ATXN10: variants seen among roughly 807,000 people sequenced by gnomAD.
ATXN10 encodes ataxin-10.
In ATXN10, 28 loss-of-function variants were observed where a neutral mutation model predicts 52.9. That is an observed-to-expected ratio of 0.53 (90% CI 0.39 to 0.73). The LOEUF is 0.73. Ranked by LOEUF, ATXN10 falls within the 30% of genes least tolerant of loss-of-function variation. The pLI is 0.00. For synonymous variants in ATXN10, 226 were observed against 221.5 expected (o/e 1.02, Z -0.18); for missense variants, 565 against 577.0 (o/e 0.98, Z 0.21).
chr22:45,779,697 A>G (rs1305529246), intron 9 of ATXN10, among the ~76,000 whole-genome samples: 2 of 152,364 alleles, frequency 1.3e-5, no homozygotes, highest in Admixed American at 6.5e-5. Context: ...ATGCTGTGAA[A>G]GGACCAATTC....
intron 3 of ATXN10, among the ~76,000 whole-genome samples, chr22:45,695,836 G>C (rs1248216695): frequency 6.6e-6 from 1 of 152,054 alleles, no homozygotes; most frequent in African/African-American, 2.4e-5. Context: ...TGCTTCTCTT[G>C]GTAGATAGAC....
At position 45,837,916 on chromosome 22, in the gene ATXN10, T is replaced by A. The variant is rs1929221872; in HGVS notation, c.1238-5075T>A. ...GCACAGGCCATCATTTGCTGACCCC[T>A]GTTCTTAGCAGTCTTCTAAACACCG... On this transcript the variant is annotated intron_variant, in intron 10 of 11. Coordinates refer to ENST00000252934, the MANE Select transcript of ATXN10 (RefSeq NM_013236.4). The surrounding 1 kb of genome is among the most constrained non-coding windows in gnomAD (Gnocchi z 5.8). Among the ~76,000 whole-genome samples, 1 of 152,244 alleles carries A rather than the reference T, an allele frequency of 6.6e-6. No homozygotes were observed. The highest frequency in any genetic ancestry group is 2.4e-5 in the African/African-American group (1 of 41,466).
At position 45,824,009 on chromosome 22, in the gene ATXN10, TTTTG is replaced by T. The variant is rs987234301; in HGVS notation, c.1237+17003_1237+17006del. Among the ~76,000 whole-genome samples the T allele has an allele frequency of 3.9e-5, 6 of 152,190 alleles. No homozygotes were observed. Among genetic ancestry groups the T allele is most frequent in the Non-Finnish European group, 7.3e-5 (5 of 68,044 alleles). On this transcript the variant is annotated intron_variant, in intron 10 of 11. Transcript: ENST00000252934. This position sits in a 1 kb window ranked among gnomAD's most constrained non-coding sequence, Gnocchi z 5.2. ...AGCACATCATGTTTACTTCTTCGTT[TTTTG>T]TTTGTTTGTTTGTTTTGGTAGTCCC...
Position 45,843,595 on chromosome 22 carries a change from T to C in ATXN10, c.1426-74T>C. The C allele has an allele frequency of 6.7e-7, 1 of 1,487,962 alleles. No homozygotes were observed. The highest frequency in any genetic ancestry group is 9.3e-7 in the Non-Finnish European group (1 of 1,070,476). 92.2% of individuals were successfully genotyped at this position (1,487,962 alleles called of 1,614,324 possible). ...CACCACTGACCAAAGTTCTGGGTTT[T>C]TTCCCCTTTTGTCTGATGAATCTTG... On this transcript the variant is annotated intron_variant, in intron 11 of 11. Coordinates refer to ENST00000252934, the MANE Select transcript of ATXN10 (RefSeq NM_013236.4). The surrounding 1 kb of genome is among the most constrained non-coding windows in gnomAD (Gnocchi z 4.5).
At chr22:45,722,261 G>A (rs1207508281) in intron 6 of ATXN10, among the ~76,000 whole-genome samples, 1 of 152,190 alleles carries the variant, frequency 6.6e-6, no homozygotes, top group African/African-American at 2.4e-5. Context: ...CAGACCACTT[G>A]TATTCTTTTA....
In ATXN10 at chr22:45,794,930, A is replaced by C. The variant is rs942251721; in HGVS notation, c.1174-12029A>C. ...TATTCTCACTTTTAATTTTCTTTGA[A>C]ATGTAATTGGCTCTTTAAAGTAATC... On this transcript the variant is annotated intron_variant, in intron 9 of 11. Coordinates refer to ENST00000252934, the MANE Select transcript of ATXN10 (RefSeq NM_013236.4). 3.9e-5 allele frequency among the ~76,000 whole-genome samples: 6 copies of C among 152,206 alleles called. No individual in the cohort carries two copies. In the East Asian group the frequency reaches 1.2e-3, roughly 29 times the overall value.
intron 9 of ATXN10, among the ~76,000 whole-genome samples, chr22:45,745,281 C>T (rs761372081): frequency 4.6e-5 from 7 of 152,148 alleles, no homozygotes; most frequent in African/African-American, 1.4e-4. Flanking sequence ...AAAAACCAAA[C>T]GTTTATTTCA....
intron 9 of ATXN10, among the ~76,000 whole-genome samples, chr22:45,756,892 T>A (rs1308125526): frequency 6.6e-6 from 1 of 152,196 alleles, no homozygotes; most frequent in African/African-American, 2.4e-5. Flanking sequence ...AGAGGAACCT[T>A]TAAATGAAAT....
At chr22:45,768,600 G>T (rs1926668891) in intron 9 of ATXN10, among the ~76,000 whole-genome samples, 1 of 152,128 alleles carries the variant, frequency 6.6e-6, no homozygotes, top group Non-Finnish European at 1.5e-5. Context: ...GAGAGAGAAG[G>T]GCATGTTAAA....
Position 45,696,080 on chromosome 22 carries a change from T to G in ATXN10, c.391+3002T>G, listed in dbSNP as rs1923595230. Among the ~76,000 whole-genome samples, 1 of 152,226 alleles carries G rather than the reference T, an allele frequency of 6.6e-6. No homozygotes were observed. The highest frequency in any genetic ancestry group is 1.5e-5 in the Non-Finnish European group (1 of 68,040). On this transcript the variant is annotated intron_variant, in intron 3 of 11. Transcript: ENST00000252934. The surrounding 1 kb of genome is among the most constrained non-coding windows in gnomAD (Gnocchi z 4.7). ...ACAGACAAAGTGCATCACCATGTTT[T>G]TTTGAGCATCAGTTTTTAAAATAAT...
chr22:45,765,036 T>C (rs1002201911), intron 9 of ATXN10, among the ~76,000 whole-genome samples: 1 of 152,234 alleles, frequency 6.6e-6, no homozygotes, highest in Admixed American at 6.5e-5. Context: ...CTTTCCATTT[T>C]ATAAATGGTA....
chr22:45,790,781 G>A lies in ATXN10; in HGVS notation c.1174-16178G>A, dbSNP rs189161961. ...CTGTAAGTGTGTTAGAACACAGTGC[G>A]TTTTCATTCCTCTTTATATCTTTTT... On this transcript the variant is annotated intron_variant, in intron 9 of 11. Coordinates refer to ENST00000252934, the MANE Select transcript of ATXN10 (RefSeq NM_013236.4). The surrounding 1 kb of genome is among the most constrained non-coding windows in gnomAD (Gnocchi z 4.7). Among the ~76,000 whole-genome samples, 14 of 152,250 alleles carry A rather than the reference G, an allele frequency of 9.2e-5. No homozygotes were observed. Among genetic ancestry groups the A allele is most frequent in the Admixed American group, 2.6e-4 (4 of 15,304 alleles).
chr22:45,804,573 G>GTT (rs1240318716), intron 9 of ATXN10, among the ~76,000 whole-genome samples: 1 of 152,194 alleles, frequency 6.6e-6, no homozygotes, highest in Non-Finnish European at 1.5e-5. Context: ...ACTGAATGCA[G>GTT]TTTAAACACT....
At position 45,783,141 on chromosome 22, in the gene ATXN10, T is replaced by G. The variant is rs1927208160; in HGVS notation, c.1174-23818T>G. On this transcript the variant is annotated intron_variant, in intron 9 of 11. Transcript: ENST00000252934. The surrounding 1 kb of genome is among the most constrained non-coding windows in gnomAD (Gnocchi z 5.0). ...ATTCAAATTGGCAGCATCACTACTC[T>G]TGTACTTTGAGGTCATTGTTAAGTA... 6.6e-6 allele frequency among the ~76,000 whole-genome samples: 1 copy of G among 152,158 alleles called. No individual in the cohort carries two copies. Among genetic ancestry groups the G allele is most frequent in the African/African-American group, 2.4e-5 (1 of 41,434 alleles).
In ATXN10 at chr22:45,759,187, T is replaced by G. The variant is rs1026712161; in HGVS notation, c.1173+18649T>G. 6.6e-6 allele frequency among the ~76,000 whole-genome samples: 1 copy of G among 152,134 alleles called. No individual in the cohort carries two copies. The highest frequency in any genetic ancestry group is 1.5e-5 in the Non-Finnish European group (1 of 68,022). On this transcript the variant is annotated intron_variant, in intron 9 of 11. Transcript: ENST00000252934. This position sits in a 1 kb window ranked among gnomAD's most constrained non-coding sequence, Gnocchi z 5.4. ...GAAAAGGTCCTCACCCTCAAGTAAC[T>G]TGAAGCTTAGAGGGACAATGATAAA...
rs932513455 is a variant in ATXN10, at chr22:45,835,666, C to T, written c.1238-7325C>T. On this transcript the variant is annotated intron_variant, in intron 10 of 11. Coordinates refer to ENST00000252934, the MANE Select transcript of ATXN10 (RefSeq NM_013236.4). This position sits in a 1 kb window ranked among gnomAD's most constrained non-coding sequence, Gnocchi z 5.0. ...ACCACTTCCCTTACGGCCTAGAAGC[C>T]GATTAGCAGCCTCAGCTTTCAGTGC... 2.6e-5 allele frequency among the ~76,000 whole-genome samples: 4 copies of T among 152,314 alleles called. No individual in the cohort carries two copies. The highest frequency in any genetic ancestry group is 3.9e-4 in the East Asian group (2 of 5,182).
intron 1 of ATXN10, among the ~76,000 whole-genome samples, chr22:45,680,721 C>T (rs1393895794): frequency 6.6e-6 from 1 of 151,920 alleles, no homozygotes; most frequent in Non-Finnish European, 1.5e-5. Context: ...GCCTCAGCCT[C>T]CCATAGTATT....
intron 10 of ATXN10, among the ~76,000 whole-genome samples, chr22:45,822,531 T>A: frequency 7.0e-6 from 1 of 143,830 alleles, no homozygotes; most frequent in Non-Finnish European, 1.5e-5. Flanking sequence ...CAATTTTTTT[T>A]TTTTTTTTTT....
chr22:45,682,923 TCTC>T (rs1245462282), intron 1 of ATXN10, among the ~76,000 whole-genome samples: 1 of 152,162 alleles, frequency 6.6e-6, no homozygotes, highest in African/African-American at 2.4e-5. Flanking sequence ...CCCTAACTGG[TCTC>T]CTGCTGTCGT....
Sources: allele counts gnomAD v4.1 joint callset (sites outside exome capture counted in the v4.1 genomes callset), GRCh38; gene constraint gnomAD v4.1.1; non-coding constraint Gnocchi (gnomAD v3.1); transcripts MANE v1.5; gene names NCBI Gene and HGNC (gene_info 2026-07-23, HGNC 2026-07-21).